BCAS3: variants seen among roughly 807,000 people sequenced by gnomAD.
BCAS3 encodes BCAS4/BCAS3 fusion.
Under a neutral mutation model 116.1 loss-of-function variants are expected in BCAS3, and 53 were observed. The ratio of observed to expected loss-of-function variants is 0.46; its 90% CI spans 0.37 to 0.57. The LOEUF is 0.57. Among genes scored for constraint, BCAS3 ranks in the 20% least tolerant of loss-of-function variants. The pLI, the probability that BCAS3 is intolerant of heterozygous loss-of-function variation, is 0.00. For synonymous variants in BCAS3, 391 were observed against 408.2 expected, an observed-to-expected ratio of 0.96 and a Z score of 0.51; for missense variants, 917 against 1,165.4, an observed-to-expected ratio of 0.79 and a Z score of 3.10.
rs1000880829 is a variant in BCAS3, at chr17:60,961,776, C to CT, written c.1221+14435dup. Among the ~76,000 whole-genome samples, 35 of 146,574 alleles carry CT rather than the reference C, an allele frequency of 2.4e-4. No individual in the cohort carries two copies. The highest frequency in any genetic ancestry group is 3.5e-3 in the Middle Eastern group (1 of 286). On this transcript the variant is annotated intron_variant, in intron 14 of 23. Coordinates refer to ENST00000407086, the MANE Select transcript of BCAS3 (RefSeq NM_017679.5). This position sits in a 1 kb window ranked among gnomAD's most constrained non-coding sequence, Gnocchi z 4.8. Reference sequence around the variant, plus strand: ...CTCTCTATCTTCATGAGGCCCACTGCTTTTTTTTTTTCACATCAGATGGAT... The same window carrying CT: ...CTCTCTATCTTCATGAGGCCCACTGCTTTTTTTTTTTTCACATCAGATGGAT...
At position 61,181,104 on chromosome 17, in the gene BCAS3, T is replaced by A. The variant is rs1351889000; in HGVS notation, c.2425+96540T>A. Among the ~76,000 whole-genome samples the A allele has an allele frequency of 6.6e-6, 1 of 152,094 alleles. No homozygotes were observed. Among genetic ancestry groups the A allele is most frequent in the Non-Finnish European group, 1.5e-5 (1 of 68,002 alleles). ...AGCCCAGAATGGTGGCACACGCCTG[T>A]AGTCTCAGCTACTCAGGAGCTGGGA... On this transcript the variant is annotated intron_variant, in intron 22 of 23. Coordinates refer to ENST00000407086, the MANE Select transcript of BCAS3 (RefSeq NM_017679.5). This position sits in a 1 kb window ranked among gnomAD's most constrained non-coding sequence, Gnocchi z 5.0.
rs1568627041 is a variant in BCAS3 at position 61,233,143 on chromosome 17, CT to C, written c.2426-135178del. On this transcript the variant is annotated intron_variant, in intron 22 of 23. Coordinates refer to ENST00000407086, the MANE Select transcript of BCAS3 (RefSeq NM_017679.5). This position sits in a 1 kb window ranked among gnomAD's most constrained non-coding sequence, Gnocchi z 4.3. ...ACTTAAAAAGGGGCTAAAAATACTT[CT>C]TTTTTAAAAAACTCCTCTCCATATT... Among the ~76,000 whole-genome samples, 1 of 152,060 alleles carries C rather than the reference CT, an allele frequency of 6.6e-6. No homozygotes were observed. Among genetic ancestry groups the C allele is most frequent in the Non-Finnish European group, 1.5e-5 (1 of 68,002 alleles).
intron 16 of BCAS3, among the ~76,000 whole-genome samples, chr17:61,025,833 A>T (rs1281178229): frequency 6.6e-6 from 1 of 152,004 alleles, no homozygotes; most frequent in African/African-American, 2.4e-5. Context: ...TCAAAATTGT[A>T]CTCACTATCG....
chr17:60,689,702 C>T lies in BCAS3; in HGVS notation c.155C>T (p.Pro52Leu). ...ACTATGCAGGCTTACAGTGGAACAC[C>T]TCTAACAGAAGAAAAGGAGAAAATA... ...DVVPQAYSGT[P>L]LTEEKEKIVW... Residue 52 changes from proline to leucine, a missense_variant, in exon 4 of 24, where the codon CCT becomes CTT. This residue lies in a region of BCAS3 where 807 missense variants were observed against 1,026.0 expected (regional missense o/e 0.79). Coordinates refer to ENST00000407086, the MANE Select transcript of BCAS3 (RefSeq NM_017679.5). 2 of 1,604,582 alleles carry T rather than the reference C, an allele frequency of 1.2e-6. No homozygotes were observed. Among genetic ancestry groups the T allele is most frequent in the Non-Finnish European group, 1.7e-6 (2 of 1,171,976 alleles).
intron 4 of BCAS3, among the ~76,000 whole-genome samples, chr17:60,690,534 C>T (rs1209613591): frequency 6.6e-6 from 1 of 151,440 alleles, no homozygotes; most frequent in African/African-American, 2.4e-5. Context: ...CGTGCCACTG[C>T]ACTCCAGCCT....
intron 22 of BCAS3, chr17:61,159,320 A>T (rs1243014145): frequency 6.8e-6 from 1 of 146,718 alleles, no homozygotes; most frequent in Non-Finnish European, 1.5e-5. Flanking sequence ...ACAACAATTA[A>T]CTATCAGTAA....
At chr17:60,775,044 C>T (rs1456185166) in intron 6 of BCAS3, among the ~76,000 whole-genome samples, 1 of 151,972 alleles carries the variant, frequency 6.6e-6, no homozygotes, top group African/African-American at 2.4e-5. Context: ...AGTAAAAGTC[C>T]TATGTGAGTT....
chr17:61,217,741 G>A lies in BCAS3; in HGVS notation c.2425+133177G>A, dbSNP rs540539171. ...CTTGAGAAACATTATTCTTGATCCC[G>A]TAACATCCCACACTGCTTTGCTTCT... On this transcript the variant is annotated intron_variant, in intron 22 of 23. Transcript: ENST00000407086. The surrounding 1 kb of genome is among the most constrained non-coding windows in gnomAD (Gnocchi z 5.2). Among the ~76,000 whole-genome samples the A allele has an allele frequency of 3.9e-4, 60 of 152,196 alleles. No homozygotes were observed. Among genetic ancestry groups the A allele is most frequent in the African/African-American group, 1.3e-3 (55 of 41,532 alleles).
chr17:60,777,996 C>T (rs2045467610), intron 6 of BCAS3, among the ~76,000 whole-genome samples: 1 of 152,010 alleles, frequency 6.6e-6, no homozygotes, highest in African/African-American at 2.4e-5. Context: ...ATTTGAAATC[C>T]GTATGTCTTC....
At chr17:61,284,585 T>C (rs1239902331) in intron 22 of BCAS3, among the ~76,000 whole-genome samples, 1 of 151,882 alleles carries the variant, frequency 6.6e-6, no homozygotes, top group East Asian at 1.9e-4. Flanking sequence ...ATCTGAAGAC[T>C]TGTTCACCTC....
intron 22 of BCAS3, among the ~76,000 whole-genome samples, chr17:61,092,113 G>A (rs2073622205): frequency 6.6e-6 from 1 of 152,144 alleles, no homozygotes; most frequent in South Asian, 2.1e-4. Flanking sequence ...ATCATCTTGT[G>A]TCTGTGCTTT....
At chr17:61,052,056 A>G (rs1363876373) in intron 19 of BCAS3, among the ~76,000 whole-genome samples, 1 of 152,036 alleles carries the variant, frequency 6.6e-6, no homozygotes, top group East Asian at 1.9e-4. Flanking sequence ...CTTGGGGTTT[A>G]TGGGATTCTT....
At chr17:60,800,454 G>T (rs2144588700) in intron 6 of BCAS3, among the ~76,000 whole-genome samples, 1 of 152,208 alleles carries the variant, frequency 6.6e-6, no homozygotes, top group African/African-American at 2.4e-5. Context: ...TTGTTTTACT[G>T]TTGAGTTGTG....
chr17:61,167,513 G>A (rs2078580917), intron 22 of BCAS3, among the ~76,000 whole-genome samples: 1 of 152,188 alleles, frequency 6.6e-6, no homozygotes, highest in African/African-American at 2.4e-5. Flanking sequence ...ACTATAGATA[G>A]TTTTAAGCTT....
At chr17:61,025,523 TTC>T (rs1484906551) in intron 16 of BCAS3, among the ~76,000 whole-genome samples, 2 of 152,084 alleles carry the variant, frequency 1.3e-5, no homozygotes, top group African/African-American at 4.8e-5. Flanking sequence ...AAATTATTGT[TTC>T]TGTCTTGTTT....
rs903089033 is a variant in BCAS3, at chr17:61,229,770, C to G, written c.2426-138557C>G. On this transcript the variant is annotated intron_variant, in intron 22 of 23. Transcript: ENST00000407086. The surrounding 1 kb of genome is among the most constrained non-coding windows in gnomAD (Gnocchi z 4.4). ...CTTACCCCGTCTCTAGATATGGAGC[C>G]ACAACCTTGCCTGCTACCAGCTGAA... Among the ~76,000 whole-genome samples, 1 of 152,170 alleles carries G rather than the reference C, an allele frequency of 6.6e-6. No homozygotes were observed. The highest frequency in any genetic ancestry group is 1.5e-5 in the Non-Finnish European group (1 of 68,026).
At chr17:61,317,576 C>T (rs879725027) in intron 22 of BCAS3, among the ~76,000 whole-genome samples, 6 of 152,122 alleles carry the variant, frequency 3.9e-5, no homozygotes, top group Admixed American at 6.6e-5. Flanking sequence ...GGAGAGGGCT[C>T]GGCGTAGAGA....
rs2144212645 is a variant in BCAS3 at position 61,188,840 on chromosome 17, GT to G, written c.2425+104277del. Among the ~76,000 whole-genome samples the G allele has an allele frequency of 6.6e-6, 1 of 152,338 alleles. No individual in the cohort carries two copies. The highest frequency in any genetic ancestry group is 2.4e-5 in the African/African-American group (1 of 41,574). The stretch of plus-strand genomic sequence containing the variant: ...AAGAATGGCATACTTGCCGGGCATG[GT>G]GGCTCATGCCTATAATCCCAGCACG... On this transcript the variant is annotated intron_variant, in intron 22 of 23. Coordinates refer to ENST00000407086, the MANE Select transcript of BCAS3 (RefSeq NM_017679.5). The surrounding 1 kb of genome is among the most constrained non-coding windows in gnomAD (Gnocchi z 4.0).
At chr17:61,016,765 A>C (rs1156798930) in intron 16 of BCAS3, among the ~76,000 whole-genome samples, 2 of 152,196 alleles carry the variant, frequency 1.3e-5, no homozygotes, top group African/African-American at 4.8e-5. Flanking sequence ...ACAGTCCTCA[A>C]GTTCTTTCCA....
Sources: allele counts gnomAD v4.1 joint callset (sites outside exome capture counted in the v4.1 genomes callset), GRCh38; gene constraint gnomAD v4.1.1; regional missense constraint gnomAD v4.1.1; non-coding constraint Gnocchi (gnomAD v3.1); transcripts MANE v1.5; gene names NCBI Gene and HGNC (gene_info 2026-07-23, HGNC 2026-07-21).